TMEM232: variants seen among roughly 807,000 people sequenced by gnomAD.
The protein encoded by TMEM232 is transmembrane protein 232.
A neutral mutation model predicts 78.8 loss-of-function variants in TMEM232; 80 were observed. That is an observed-to-expected ratio of 1.01 (90% confidence interval 0.85 to 1.22). The LOEUF (loss-of-function observed/expected upper bound fraction) is 1.22, where lower values mean the gene tolerates loss of function less well. TMEM232 is among the 50% of genes most tolerant of loss of function. The probability of loss-of-function intolerance (pLI) is 0.00; values close to 1 mark genes in which losing one functional copy is unlikely to be tolerated. For synonymous variants in TMEM232, 297 were observed against 254.3 expected (o/e 1.17, Z -1.60); for missense variants, 881 against 742.2 (o/e 1.19, Z -2.17).
rs537238369 is a variant in TMEM232 at position 110,560,231 on chromosome 5, C to T, written c.1455+8216G>A. 3.0e-3 allele frequency among the ~76,000 whole-genome samples: 460 copies of T among 152,086 alleles called. 3 individuals are homozygous for T. The highest frequency in any genetic ancestry group is 0.011 in the African/African-American group (437 of 41,504). Reference sequence around the variant, plus strand: ...TTGAATATAGACCTTCCATATGATCCAGTCATTCTCCTCTTCCATACCCAA... The same window carrying T: ...TTGAATATAGACCTTCCATATGATCTAGTCATTCTCCTCTTCCATACCCAA... On this transcript the variant is annotated intron_variant, in intron 11 of 13. Coordinates refer to ENST00000455884, the MANE Select transcript of TMEM232 (RefSeq NM_001039763.4).
chr5:110,703,728 G>A (rs1795658528), intron 1 of TMEM232, among the ~76,000 whole-genome samples: 1 of 152,052 alleles, frequency 6.6e-6, no homozygotes. Flanking sequence ...CACAGTGATA[G>A]GAAACTCATT....
At chr5:110,696,894 T>G (rs1331833838) in intron 1 of TMEM232, among the ~76,000 whole-genome samples, 1 of 152,146 alleles carries the variant, frequency 6.6e-6, no homozygotes, top group East Asian at 1.9e-4. Context: ...ATAGATTCAA[T>G]GCCATCCCCA....
chr5:110,640,952 A>T lies in TMEM232; in HGVS notation c.282T>A (p.His94Gln). ...TTACTTCAGTCCATGCAGCAGGAAG[A>T]TGCACATGCCTTCCAGAGCCCAGGG... ...LKTLGSGRHVHLPAAWTEVIY... is the reference protein window; with the variant it reads ...LKTLGSGRHVQLPAAWTEVIY... The change falls in exon 4 of 14, where the codon CAT (histidine) becomes CAA (glutamine). Residue 94 changes from histidine to glutamine, a missense_variant. His to Gln is a conservative substitution (Grantham distance 24, BLOSUM62 0). Transcript: ENST00000455884. 6.5e-7 allele frequency: 1 copy of T among 1,540,242 alleles called. No individual in the cohort carries two copies. Among genetic ancestry groups the T allele is most frequent in the Non-Finnish European group, 8.8e-7 (1 of 1,141,298 alleles).
intron 12 of TMEM232, among the ~76,000 whole-genome samples, chr5:110,458,523 G>T (rs1458848803): frequency 6.6e-6 from 1 of 152,118 alleles, no homozygotes; most frequent in African/African-American, 2.4e-5. Context: ...AGGCCCCTCT[G>T]CAGGAGAGAT....
intron 3 of TMEM232, among the ~76,000 whole-genome samples, chr5:110,393,881 C>G (rs1755292280): frequency 6.7e-6 from 1 of 150,190 alleles, no homozygotes. Flanking sequence ...TCACTTGAAC[C>G]CGGGAGGCAG....
chr5:110,493,174 A>T (rs907125905), intron 12 of TMEM232, among the ~76,000 whole-genome samples: 8 of 152,122 alleles, frequency 5.3e-5, no homozygotes, highest in African/African-American at 1.7e-4. Context: ...AAAACTTTTT[A>T]AAAAATTTAT....
At chr5:110,415,744 C>T (rs35665796), downstream of TMEM232, among the ~76,000 whole-genome samples, 13,986 of 151,932 alleles carry the variant, frequency 0.092, 833 homozygotes, top group South Asian at 0.17. Flanking sequence ...TCTATTTCTT[C>T]GTGTTTTGAA....
At position 110,568,485 on chromosome 5, in the gene TMEM232, C is replaced by T; in HGVS notation, c.1417G>A (p.Glu473Lys). The T allele has an allele frequency of 6.5e-7, 1 of 1,548,388 alleles. No homozygotes were observed. The highest frequency in any genetic ancestry group is 1.2e-5 in the South Asian group (1 of 83,618). Residue 473 changes from glutamate (E) to lysine (K), a missense_variant, in exon 11 of 14, where the codon GAA becomes AAA. Glu to Lys is a moderately conservative substitution (Grantham distance 56, BLOSUM62 1). Coordinates refer to ENST00000455884, the MANE Select transcript of TMEM232 (RefSeq NM_001039763.4). ...ATTGCATTTTGGATTCGTACATCTT[C>T]CTCATAATCCTTTGTTTTCTGCAAT... ...QTLQKTKDYE[E>K]DVRIQNAINI...
intron 12 of TMEM232, among the ~76,000 whole-genome samples, chr5:110,483,396 T>C (rs1166482535): frequency 6.6e-6 from 1 of 151,988 alleles, no homozygotes; most frequent in African/African-American, 2.4e-5. Flanking sequence ...AGTTACAGGG[T>C]AAAGGGAATG....
chr5:110,702,082 T>C (rs1386602590), intron 1 of TMEM232, among the ~76,000 whole-genome samples: 1 of 152,014 alleles, frequency 6.6e-6, no homozygotes. Flanking sequence ...TTTACTCTCA[T>C]GGTACAGCAG....
intron 1 of TMEM232, among the ~76,000 whole-genome samples, chr5:110,699,077 A>AAAAC (rs543601859): frequency 3.0e-4 from 46 of 151,874 alleles, no homozygotes; most frequent in Middle Eastern, 3.4e-3. Context: ...AAACAAAACA[A>AAAAC]AAACAAACAA....
intron 10 of TMEM232, among the ~76,000 whole-genome samples, chr5:110,602,946 G>A (rs974250854): frequency 2.6e-5 from 4 of 152,144 alleles, no homozygotes; most frequent in African/African-American, 9.7e-5. Flanking sequence ...ATACACCATG[G>A]AATACTATAA....
At chr5:110,460,918 C>A (rs1177044477) in intron 12 of TMEM232, among the ~76,000 whole-genome samples, 1 of 152,026 alleles carries the variant, frequency 6.6e-6, no homozygotes, top group Non-Finnish European at 1.5e-5. Context: ...AACTCAGATA[C>A]ACATTGTACG....
intron 11 of TMEM232, among the ~76,000 whole-genome samples, chr5:110,533,124 G>A (rs569020228): frequency 3.9e-4 from 59 of 151,956 alleles, no homozygotes; most frequent in African/African-American, 1.3e-3. Flanking sequence ...TGCACCCCTC[G>A]TCCCAGCCTC....
chr5:110,478,371 G>T (rs115512958), intron 12 of TMEM232, among the ~76,000 whole-genome samples: 3,176 of 151,966 alleles, frequency 0.021, 76 homozygotes, highest in African/African-American at 0.059. Context: ...GTCCTCAGCA[G>T]TTTTCCACAC....
intron 1 of TMEM232, among the ~76,000 whole-genome samples, chr5:110,694,838 G>C (rs907619697): frequency 4.4e-4 from 67 of 152,040 alleles, no homozygotes; most frequent in South Asian, 8.3e-4. Flanking sequence ...CTTAGACTCC[G>C]ACACAATAAT....
At chr5:110,439,113 C>T (rs1230124971) in intron 12 of TMEM232, among the ~76,000 whole-genome samples, 1 of 152,020 alleles carries the variant, frequency 6.6e-6, no homozygotes, top group Non-Finnish European at 1.5e-5. Context: ...GTCTTTAACC[C>T]TCATTAGCTT....
At chr5:110,471,312 G>A (rs1762655925) in intron 12 of TMEM232, among the ~76,000 whole-genome samples, 1 of 152,124 alleles carries the variant, frequency 6.6e-6, no homozygotes, top group South Asian at 2.1e-4. Flanking sequence ...AAGGAAAAGA[G>A]AGAAAGATGC....
chr5:110,578,005 C>G (rs762780773), intron 10 of TMEM232, among the ~76,000 whole-genome samples: 3 of 151,698 alleles, frequency 2.0e-5, no homozygotes, highest in Non-Finnish European at 2.9e-5. Context: ...TGTAACAAAA[C>G]TGTACTTGTA....
Sources: allele counts gnomAD v4.1 joint callset (sites outside exome capture counted in the v4.1 genomes callset), GRCh38; gene constraint gnomAD v4.1.1; transcripts MANE v1.5; gene names NCBI Gene and HGNC (gene_info 2026-07-23, HGNC 2026-07-21).